TATDN3: variants seen among roughly 807,000 people sequenced by gnomAD.
TATDN3 encodes TatD DNase domain containing 3.
A neutral mutation model predicts 40.1 loss-of-function variants in TATDN3; 29 were observed. The ratio of observed to expected loss-of-function variants is 0.72; its 90% CI spans 0.54 to 0.99. The LOEUF is 0.99. TATDN3 is among the 50% of genes least tolerant of loss of function. The pLI is 0.00. For missense variants in TATDN3, 309 were observed against 321.9 expected, an observed-to-expected ratio of 0.96 and a Z score of 0.31; for synonymous variants, 105 against 117.0, an observed-to-expected ratio of 0.90 and a Z score of 0.66.
At chr1:212,797,085 C>G (rs766012501) in intron 3 of TATDN3, 27 bp from the exon 4 acceptor site, 1 of 1,573,136 alleles carries the variant, frequency 6.4e-7, no homozygotes, top group Non-Finnish European at 8.8e-7. Context: ...ACTGTTCCTG[C>G]TTTCTCAGTT....
In TATDN3 at chr1:212,807,730, T is replaced by A; in HGVS notation, c.488-6T>A. ...GGAATACTGCCTTATCTTTCATTTT[T>A]GAAAGGTGCTGAGAAGGTACTGCTG... On this transcript the variant is annotated splice_region_variant and splice_polypyrimidine_tract_variant and intron_variant, in intron 7 of 9. Coordinates refer to ENST00000366974, the MANE Select transcript of TATDN3 (RefSeq NM_001042552.3). The A allele has an allele frequency of 6.3e-7, 1 of 1,591,360 alleles. No individual in the cohort carries two copies. The highest frequency in any genetic ancestry group is 8.5e-7 in the Non-Finnish European group (1 of 1,173,402).
chr1:212,810,285 G>A (rs554366541), intron 8 of TATDN3, among the ~76,000 whole-genome samples: 26 of 152,112 alleles, frequency 1.7e-4, no homozygotes, highest in Non-Finnish European at 3.1e-4. Flanking sequence ...CAAGGCGGGT[G>A]GATCACGACG....
At chr1:212,807,082 T>TAC (rs1662584911) in intron 7 of TATDN3, among the ~76,000 whole-genome samples, 1 of 151,510 alleles carries the variant, frequency 6.6e-6, no homozygotes. Context: ...TAGCTGGGAT[T>TAC]ACAGGTGCCT....
chr1:212,792,197 A>G (rs189394319), intron 1 of TATDN3, among the ~76,000 whole-genome samples: 190 of 152,110 alleles, frequency 1.2e-3, no homozygotes, highest in Middle Eastern at 3.4e-3. Flanking sequence ...GCGGTAAGCT[A>G]TCTCCACAAG....
At chr1:212,799,700 G>T (rs1662052429) in intron 4 of TATDN3, among the ~76,000 whole-genome samples, 1 of 152,190 alleles carries the variant, frequency 6.6e-6, no homozygotes, top group South Asian at 2.1e-4. Context: ...ACTACACCCG[G>T]CTAATTTTTT....
chr1:212,812,196 T>C, intron 8 of TATDN3, 52 bp from the exon 9 acceptor site: 1 of 1,171,462 alleles, frequency 8.5e-7, no homozygotes, highest in East Asian at 2.5e-5. Flanking sequence ...TTTAATGCTC[T>C]TTATCTTTAT....
At chr1:212,806,783 T>TATATATATATATATATATATATATAC (rs796710955) in intron 7 of TATDN3, among the ~76,000 whole-genome samples, 1 of 79,522 alleles carries the variant, frequency 1.3e-5, no homozygotes, top group Non-Finnish European at 2.4e-5. Context: ...TATATATATA[T>TATATATATATATATATATATATATAC]ACACACACAC....
chr1:212,799,874 C>T (rs539647006), intron 4 of TATDN3, among the ~76,000 whole-genome samples: 221 of 152,132 alleles, frequency 1.5e-3, no homozygotes, highest in Non-Finnish European at 2.8e-3. Flanking sequence ...CAGATATGAA[C>T]TTATCAAATG....
At chr1:212,808,036 G>C (rs887828054) in intron 8 of TATDN3, among the ~76,000 whole-genome samples, 188 bp downstream of exon 8, 1 of 152,100 alleles carries the variant, frequency 6.6e-6, no homozygotes, top group African/African-American at 2.4e-5. Context: ...AATAAGGCCA[G>C]GCTCAGGGGC....
chr1:212,814,112 A>C (rs1192258543), intron 9 of TATDN3, among the ~76,000 whole-genome samples: 1 of 152,002 alleles, frequency 6.6e-6, no homozygotes, highest in Non-Finnish European at 1.5e-5. Context: ...AAGCCACTGC[A>C]CCTGGCTGAA....
At chr1:212,794,229 C>T (rs1013643299) in intron 1 of TATDN3, among the ~76,000 whole-genome samples, 5 of 149,806 alleles carry the variant, frequency 3.3e-5, no homozygotes, top group East Asian at 1.9e-4. Flanking sequence ...TGCAGTGAGC[C>T]GAGATCGTGA....
At chr1:212,806,746 C>CTCCA (rs1558083558) in intron 7 of TATDN3, among the ~76,000 whole-genome samples, 1 of 45,188 alleles carries the variant, frequency 2.2e-5, no homozygotes, top group Non-Finnish European at 3.8e-5. Context: ...CTCTCTCTCT[C>CTCCA]CATATATATA....
chr1:212,802,728 G>A lies in TATDN3; in HGVS notation c.286G>A (p.Glu96Lys), dbSNP rs1353155445. ...KDLDVALPII[E>K]NYKDRLLAIG... ...TTTGGATGTAGCTTTGCCCATTATT[G>A]AGAATTATAAGGATCGGTTGTTGGC... Residue 96 changes from glutamate to lysine, a missense_variant, in exon 5 of 10, where the codon GAG becomes AAG. Transcript: ENST00000366974. 1.2e-6 allele frequency: 2 copies of A among 1,613,022 alleles called. No homozygotes were observed. Among genetic ancestry groups the A allele is most frequent in the Non-Finnish European group, 1.7e-6 (2 of 1,179,212 alleles).
intron 2 of TATDN3, 83 bp downstream of exon 2, chr1:212,795,210 C>T: frequency 2.2e-6 from 2 of 918,844 alleles, no homozygotes; most frequent in South Asian, 1.4e-5. Flanking sequence ...TTTAGATATA[C>T]TACCTTGATG....
At chr1:212,793,527 C>T (rs79675892) in intron 1 of TATDN3, among the ~76,000 whole-genome samples, 3,462 of 152,204 alleles carry the variant, frequency 0.023, 62 homozygotes, top group South Asian at 0.041. Context: ...CATTTTAACA[C>T]CATTTTGCTG....
intron 7 of TATDN3, among the ~76,000 whole-genome samples, chr1:212,806,465 G>A (rs1457771552): frequency 6.8e-6 from 1 of 147,204 alleles, no homozygotes; most frequent in East Asian, 2.0e-4. Context: ...CCACCTCCTG[G>A]GCTCAAGAGA....
intron 2 of TATDN3, 125 bp downstream of exon 2, chr1:212,795,252 A>G: frequency 8.0e-6 from 3 of 372,876 alleles, no homozygotes; most frequent in Admixed American, 4.7e-5. Flanking sequence ...AGCATTTTTT[A>G]TTTTTATTAT....
At chr1:212,803,224 C>T (rs945969828) in intron 5 of TATDN3, among the ~76,000 whole-genome samples, 1 of 150,012 alleles carries the variant, frequency 6.7e-6, no homozygotes. Context: ...GTGGTACAAT[C>T]CCAGCTGGAG....
intron 4 of TATDN3, among the ~76,000 whole-genome samples, chr1:212,797,913 A>G (rs1364062115): frequency 6.6e-6 from 1 of 152,224 alleles, no homozygotes; most frequent in Non-Finnish European, 1.5e-5. Flanking sequence ...CTGACTCAGC[A>G]TCAGGAAGAT....
Sources: allele counts gnomAD v4.1 joint callset (sites outside exome capture counted in the v4.1 genomes callset), GRCh38; gene constraint gnomAD v4.1.1; transcripts MANE v1.5; gene names NCBI Gene and HGNC (gene_info 2026-07-23, HGNC 2026-07-21).